The following PIGN variants were observed in gnomAD, a reference collection of about 807,000 sequenced individuals.
PIGN encodes phosphatidylinositol glycan anchor biosynthesis class N.
In PIGN, 117 loss-of-function variants were observed where a neutral mutation model predicts 125.4. The observed-to-expected ratio is 0.93, with a 90% confidence interval of 0.80 to 1.09. The LOEUF is 1.09. Among genes scored for constraint, PIGN ranks in the 50% least tolerant of loss-of-function variants. The pLI, the probability that PIGN is intolerant of heterozygous loss-of-function variation, is 0.00. For missense variants in PIGN, 1,075 were observed against 1,094.9 expected (o/e 0.98, Z 0.26); for synonymous variants, 392 against 377.8 (o/e 1.04, Z -0.44).
chr18:62,021,632 GC>G (rs2030055842), intron 23 of PIGN, among the ~76,000 whole-genome samples: 1 of 152,196 alleles, frequency 6.6e-6, no homozygotes, highest in Non-Finnish European at 1.5e-5. Flanking sequence ...GGAGACAGGT[GC>G]CCCCACCAGG....
chr18:62,101,038 T>A (rs982815466), intron 22 of PIGN, 37 bp downstream of exon 22: 1 of 1,027,072 alleles, frequency 9.7e-7, no homozygotes, highest in Non-Finnish European at 1.6e-6. Context: ...ACTAAGTTGA[T>A]GTCAAATTAC....
At chr18:62,182,782 G>A (rs186888009) in intron 1 of PIGN, among the ~76,000 whole-genome samples, 15 of 152,068 alleles carry the variant, frequency 9.9e-5, no homozygotes, top group Admixed American at 7.9e-4. Flanking sequence ...CAAAAGACAC[G>A]TTTGCAACAA....
intron 30 of PIGN, among the ~76,000 whole-genome samples, chr18:62,046,397 C>A (rs1367307926): frequency 1.3e-5 from 2 of 151,694 alleles, no homozygotes; most frequent in East Asian, 3.9e-4. Flanking sequence ...ACCATTACTG[C>A]CCGAGCTCCG....
intron 1 of PIGN, among the ~76,000 whole-genome samples, chr18:62,165,570 T>C (rs1193756890): frequency 6.6e-6 from 1 of 152,184 alleles, no homozygotes; most frequent in Non-Finnish European, 1.5e-5. Context: ...TTTTGATACA[T>C]TAAATTTAAG....
chr18:62,058,521 T>G (rs2031897242), intron 30 of PIGN, among the ~76,000 whole-genome samples: 1 of 152,200 alleles, frequency 6.6e-6, no homozygotes. Flanking sequence ...TGAGACTAAC[T>G]TTCATATTTT....
intron 10 of PIGN, among the ~76,000 whole-genome samples, chr18:62,144,476 C>A (rs2036247917): frequency 6.6e-6 from 1 of 152,216 alleles, no homozygotes; most frequent in Non-Finnish European, 1.5e-5. Flanking sequence ...CTGCTCCCAG[C>A]TGACAGTGCT....
intron 7 of PIGN, among the ~76,000 whole-genome samples, chr18:62,151,340 T>C (rs2036528388): frequency 6.6e-6 from 1 of 152,212 alleles, no homozygotes; most frequent in Non-Finnish European, 1.5e-5. Flanking sequence ...CATTTCCTGA[T>C]GGTCTACACT....
intron 10 of PIGN, among the ~76,000 whole-genome samples, chr18:62,145,644 AAG>A (rs2147264463): frequency 6.6e-6 from 1 of 152,326 alleles, no homozygotes; most frequent in Non-Finnish European, 1.5e-5. Context: ...AAATTAATAA[AAG>A]AACATCAAAA....
chr18:62,031,585 T>C (rs974980369), intron 23 of PIGN, among the ~76,000 whole-genome samples: 3 of 152,072 alleles, frequency 2.0e-5, no homozygotes, highest in African/African-American at 4.8e-5. Context: ...ATCTACACTA[T>C]CCCCAGATGC....
intron 1 of PIGN, among the ~76,000 whole-genome samples, chr18:62,186,481 T>G (rs1341020352): frequency 6.6e-6 from 1 of 152,222 alleles, no homozygotes; most frequent in Non-Finnish European, 1.5e-5. Context: ...ATTGAGTACC[T>G]AACAATTTGT....
intron 11 of PIGN, among the ~76,000 whole-genome samples, chr18:62,142,613 C>G (rs1433580000): frequency 6.6e-6 from 1 of 152,172 alleles, no homozygotes; most frequent in Non-Finnish European, 1.5e-5. Flanking sequence ...TTGGTTTGTC[C>G]ACCACAGTAA....
intron 14 of PIGN, among the ~76,000 whole-genome samples, chr18:62,125,654 C>G (rs1433878831): frequency 6.6e-6 from 1 of 151,888 alleles, no homozygotes; most frequent in African/African-American, 2.4e-5. Flanking sequence ...CATTTTGTGT[C>G]CATTTAGCAA....
chr18:62,153,845 A>T (rs1317026063), intron 7 of PIGN: 1 of 152,218 alleles, frequency 6.6e-6, no homozygotes, highest in Non-Finnish European at 1.5e-5. Flanking sequence ...TTCAAAAGAC[A>T]TTACTAGAAA....
At chr18:62,163,345 G>A (rs770386293) in intron 2 of PIGN, among the ~76,000 whole-genome samples, 186 bp downstream of exon 2, 6 of 152,044 alleles carry the variant, frequency 3.9e-5, no homozygotes, top group East Asian at 1.9e-4. Flanking sequence ...CCTTTATTAC[G>A]TTATTTTCAA....
At chr18:62,124,624 A>T (rs1006134743) in intron 14 of PIGN, among the ~76,000 whole-genome samples, 1 of 152,066 alleles carries the variant, frequency 6.6e-6, no homozygotes, top group African/African-American at 2.4e-5. Context: ...AAAATGCTAA[A>T]CCTGCCTATG....
At chr18:62,097,442 G>T (rs938496146) in intron 22 of PIGN, among the ~76,000 whole-genome samples, 2 of 142,480 alleles carry the variant, frequency 1.4e-5, no homozygotes, top group African/African-American at 2.6e-5. Context: ...TGGAGAGGAT[G>T]CGGAGAAATA....
chr18:62,030,243 T>C (rs1337165832), intron 23 of PIGN, among the ~76,000 whole-genome samples: 5 of 152,230 alleles, frequency 3.3e-5, no homozygotes, highest in Non-Finnish European at 7.3e-5. Context: ...TCAGGCCCTG[T>C]TGCAGAGGCC....
intron 30 of PIGN, among the ~76,000 whole-genome samples, chr18:62,050,330 G>A (rs1274431282): frequency 6.6e-6 from 1 of 151,504 alleles, no homozygotes; most frequent in Non-Finnish European, 1.5e-5. Context: ...TCCTACCCAT[G>A]AGCATGGAAT....
intron 14 of PIGN, among the ~76,000 whole-genome samples, chr18:62,128,518 T>C (rs1267023574): frequency 1.3e-5 from 2 of 151,994 alleles, no homozygotes; most frequent in Non-Finnish European, 2.9e-5. Context: ...GGGGAAAAGC[T>C]ACCCAACTCC....
Sources: allele counts gnomAD v4.1 joint callset (sites outside exome capture counted in the v4.1 genomes callset), GRCh38; gene constraint gnomAD v4.1.1; transcripts MANE v1.5; gene names NCBI Gene and HGNC (gene_info 2026-07-23, HGNC 2026-07-21).